Variants in CAST observed in about 807,000 individuals in gnomAD.
CAST encodes calpastatin.
Under a neutral mutation model 119.6 loss-of-function variants are expected in CAST, and 76 were observed. The ratio of observed to expected loss-of-function variants is 0.64; its 90% CI spans 0.53 to 0.77. CAST has a LOEUF of 0.77. CAST is among the 30% of genes least tolerant of loss of function. The probability of loss-of-function intolerance (pLI) is 0.00; values close to 1 mark genes in which losing one functional copy is unlikely to be tolerated. For missense variants in CAST, 953 were observed against 946.5 expected (o/e 1.01, Z -0.09); for synonymous variants, 319 against 331.6 (o/e 0.96, Z 0.41).
the CAST span, among the ~76,000 whole-genome samples, chr5:96,173,069 T>C: frequency 1.3e-5 from 2 of 152,232 alleles, no homozygotes; most frequent in Non-Finnish European, 2.9e-5. Flanking sequence ...TATTGTTAGA[T>C]CTACATCCTA....
At chr5:96,662,842 G>T (rs1748746575) in intron 1 of CAST, among the ~76,000 whole-genome samples, 1 of 152,212 alleles carries the variant, frequency 6.6e-6, no homozygotes, top group Non-Finnish European at 1.5e-5. Flanking sequence ...GGTTTCACTG[G>T]ACAGCGGGAT....
At chr5:96,499,591 A>G in the CAST span, among the ~76,000 whole-genome samples, 1 of 152,222 alleles carries the variant, frequency 6.6e-6, no homozygotes, top group Non-Finnish European at 1.5e-5. Context: ...CAATTTTTAA[A>G]AATAAGACAA....
the CAST span, among the ~76,000 whole-genome samples, chr5:96,226,352 A>C: frequency 6.6e-6 from 1 of 152,194 alleles, no homozygotes; most frequent in Non-Finnish European, 1.5e-5. Context: ...CAAATGGAGC[A>C]TAAAAGATCT....
rs187579901 is a variant in CAST, at chr5:96,746,005, T to C, written c.1201-337T>C. On this transcript the variant is annotated intron_variant, in intron 16 of 31. Transcript: ENST00000675179. ...ACTTTTCTCTGGTGATCTTCACAAG[T>C]CAGTGAGCTAGATAAGGGTTATTAG... 2.0e-5 allele frequency among the ~76,000 whole-genome samples: 3 copies of C among 152,370 alleles called. No individual in the cohort carries two copies. The East Asian group carries it at 5.8e-4, about 29-fold the overall frequency.
At chr5:96,541,892 A>G (rs975276949) in intron 1 of CAST, among the ~76,000 whole-genome samples, 9 of 152,238 alleles carry the variant, frequency 5.9e-5, no homozygotes, top group African/African-American at 1.9e-4. Context: ...GGTTGCTTCC[A>G]GTTTTTGGCA....
intron 10 of CAST, among the ~76,000 whole-genome samples, chr5:96,737,022 C>T (rs1761800817): frequency 6.6e-6 from 1 of 152,164 alleles, no homozygotes; most frequent in South Asian, 2.1e-4. Flanking sequence ...GAGGAACAGT[C>T]AAACACTTAT....
chr5:96,565,597 A>G (rs1746452034), intron 1 of CAST, among the ~76,000 whole-genome samples: 1 of 152,234 alleles, frequency 6.6e-6, no homozygotes, highest in Non-Finnish European at 1.5e-5. Flanking sequence ...GAATGAGTGA[A>G]TAAATGAAGT....
At chr5:96,740,999 C>G (rs867634742) in intron 13 of CAST, 1 of 588,240 alleles carries the variant, frequency 1.7e-6, no homozygotes, top group Non-Finnish European at 3.1e-6. Context: ...AGAAAGAAGG[C>G]GAGAAAGTAT....
chr5:96,109,404 G>T, the CAST span, among the ~76,000 whole-genome samples: 1 of 152,210 alleles, frequency 6.6e-6, no homozygotes. Flanking sequence ...AAACCAAATT[G>T]TGTAATGAAA....
At chr5:96,229,262 T>G in the CAST span, among the ~76,000 whole-genome samples, 1 of 150,784 alleles carries the variant, frequency 6.6e-6, no homozygotes, top group Non-Finnish European at 1.5e-5. Flanking sequence ...TGAAGGATAC[T>G]AGATACAAAG....
At chr5:96,284,578 G>A in the CAST span, among the ~76,000 whole-genome samples, 10 of 152,298 alleles carry the variant, frequency 6.6e-5, no homozygotes, top group South Asian at 1.0e-3. Flanking sequence ...GGGCTTTGGA[G>A]CGTGATCGAT....
the CAST span, among the ~76,000 whole-genome samples, chr5:96,410,346 C>T: frequency 5.3e-5 from 8 of 151,136 alleles, no homozygotes; most frequent in Middle Eastern, 3.2e-3. Flanking sequence ...CTGGTGTAGA[C>T]TCTGTATTTT....
intron 1 of CAST, among the ~76,000 whole-genome samples, chr5:96,648,818 G>A (rs1748056425): frequency 6.6e-6 from 1 of 151,886 alleles, no homozygotes; most frequent in Non-Finnish European, 1.5e-5. Context: ...AGGCTGAATT[G>A]ATTCTGAAGC....
In CAST at chr5:96,683,389, C is replaced by T. The variant is rs75607737; in HGVS notation, c.138+7788C>T. On this transcript the variant is annotated intron_variant, in intron 2 of 31. Coordinates refer to ENST00000675179, the MANE Select transcript of CAST (RefSeq NM_001750.7). ...TGAGAAAATGAAAAAATAGAAACTTCTAGAGACAATATTTTATACCAGGAA... is the reference window on the plus strand; with the variant it reads ...TGAGAAAATGAAAAAATAGAAACTTTTAGAGACAATATTTTATACCAGGAA... 7.8e-3 allele frequency among the ~76,000 whole-genome samples: 1,186 copies of T among 152,310 alleles called. 13 individuals carry two copies. The highest frequency in any genetic ancestry group is 0.027 in the African/African-American group (1,107 of 41,558).
chr5:96,122,916 T>G, the CAST span, among the ~76,000 whole-genome samples: 2 of 152,144 alleles, frequency 1.3e-5, no homozygotes, highest in Non-Finnish European at 2.9e-5. Context: ...ATAATATGCA[T>G]TTATAGTCAG....
chr5:96,311,831 A>G, the CAST span, among the ~76,000 whole-genome samples: 1 of 152,006 alleles, frequency 6.6e-6, no homozygotes, highest in African/African-American at 2.4e-5. Context: ...TATAGGCAGC[A>G]TATAATTGGG....
At chr5:96,668,172 ACC>A (rs1013370357) in intron 1 of CAST, among the ~76,000 whole-genome samples, 1 of 134,252 alleles carries the variant, frequency 7.4e-6, no homozygotes, top group African/African-American at 3.0e-5. Context: ...ACACACACAC[ACC>A]CTTTCAACAT....
At chr5:96,393,904 G>A in the CAST span, among the ~76,000 whole-genome samples, 2 of 152,144 alleles carry the variant, frequency 1.3e-5, no homozygotes, top group African/African-American at 4.8e-5. Flanking sequence ...GGGAGCTGGA[G>A]AGCTCAGAGA....
the CAST span, chr5:96,421,760 A>T: frequency 1.3e-6 from 1 of 754,562 alleles, no homozygotes; most frequent in East Asian, 2.5e-5. Context: ...TGTGGTATGG[A>T]TGTTGTGCAT....
Sources: allele counts gnomAD v4.1 joint callset (sites outside exome capture counted in the v4.1 genomes callset), GRCh38; gene constraint gnomAD v4.1.1; transcripts MANE v1.5; gene names NCBI Gene and HGNC (gene_info 2026-07-23, HGNC 2026-07-21).